ZMIZ1: variants seen among roughly 807,000 people sequenced by gnomAD.
ZMIZ1 encodes the protein zinc finger MIZ-type containing 1, also known as zinc finger MIZ domain-containing protein 1.
Under a neutral mutation model 113.9 loss-of-function variants are expected in ZMIZ1, and 17 were observed. That is an observed-to-expected ratio of 0.15 (90% confidence interval 0.10 to 0.22). ZMIZ1 has a LOEUF of 0.22. Among genes scored for constraint, ZMIZ1 ranks in the 10% least tolerant of loss-of-function variants. The pLI is 1.00. For synonymous variants in ZMIZ1, 607 were observed against 603.1 expected (o/e 1.01, Z -0.09); for missense variants, 1,059 against 1,477.8 (o/e 0.72, Z 4.65).
intron 1 of ZMIZ1, among the ~76,000 whole-genome samples, chr10:79,075,746 C>T (rs1842452985): frequency 6.6e-6 from 1 of 152,248 alleles, no homozygotes; most frequent in Non-Finnish European, 1.5e-5. Context: ...CAGATACTTG[C>T]CCTCTTGGAG....
chr10:79,122,256 A>T (rs2132336370), intron 2 of ZMIZ1, among the ~76,000 whole-genome samples: 1 of 152,224 alleles, frequency 6.6e-6, no homozygotes, highest in East Asian at 1.9e-4. Flanking sequence ...CTGCCTGCAG[A>T]GGAGGGTCAG....
intron 7 of ZMIZ1, among the ~76,000 whole-genome samples, chr10:79,217,723 G>GC (rs1848797047): frequency 6.6e-6 from 1 of 152,174 alleles, no homozygotes; most frequent in Non-Finnish European, 1.5e-5. Flanking sequence ...TTTCCAGTCT[G>GC]CACACATGGA....
At chr10:79,230,101 G>A (rs1849335504) in intron 7 of ZMIZ1, among the ~76,000 whole-genome samples, 1 of 152,140 alleles carries the variant, frequency 6.6e-6, no homozygotes, top group South Asian at 2.1e-4. Context: ...TGCCCTGGGA[G>A]GCTCCGGCCG....
chr10:79,171,880 G>A (rs1328410660), intron 4 of ZMIZ1, among the ~76,000 whole-genome samples: 1 of 152,192 alleles, frequency 6.6e-6, no homozygotes, highest in African/African-American at 2.4e-5. Context: ...AGCAAGGACG[G>A]AGCCATGCTA....
chr10:79,079,888 C>G (rs1408263988), intron 1 of ZMIZ1, among the ~76,000 whole-genome samples: 2 of 152,194 alleles, frequency 1.3e-5, no homozygotes, highest in Non-Finnish European at 2.9e-5. Flanking sequence ...GCTCTGCAGG[C>G]TGCATTTTGT....
intron 4 of ZMIZ1, among the ~76,000 whole-genome samples, chr10:79,185,017 G>A (rs1847293357): frequency 6.6e-6 from 1 of 152,208 alleles, no homozygotes; most frequent in South Asian, 2.1e-4. Context: ...ACGGGGACCA[G>A]AGCCCATATT....
rs1256606268 is a variant in ZMIZ1, at chr10:79,315,847, A to T, written c.*3098A>T. Reference sequence around the variant, plus strand: ...AATGTGTATTGTTTTTATTTTGCGAAACAAAACAAAACAAAAAAAAAAGCT... The same window carrying T: ...AATGTGTATTGTTTTTATTTTGCGATACAAAACAAAACAAAAAAAAAAGCT... On this transcript the variant is annotated 3_prime_UTR_variant, in exon 25 of 25. Transcript: ENST00000334512. 6.5e-6 allele frequency: 1 copy of T among 152,708 alleles called. No individual in the cohort carries two copies. Among genetic ancestry groups the T allele is most frequent in the East Asian group, 1.9e-4 (1 of 5,342 alleles). 9.5% of individuals were successfully genotyped at this position (152,708 alleles called of 1,614,324 possible). A position where few individuals can be genotyped will look rare whatever the true frequency, so the allele number is the denominator to read the frequency against.
In ZMIZ1 at chr10:79,225,977, C is replaced by T. The variant is rs571414080; in HGVS notation, c.280+9703C>T. Reference sequence around the variant, plus strand: ...AAATACTAAACTGGAATTTTAAGGGCGAGGGATGACAAGCTTCTTGTGCCA... The same window carrying T: ...AAATACTAAACTGGAATTTTAAGGGTGAGGGATGACAAGCTTCTTGTGCCA... On this transcript the variant is annotated intron_variant, in intron 7 of 24. Transcript: ENST00000334512. 3.2e-4 allele frequency among the ~76,000 whole-genome samples: 48 copies of T among 152,268 alleles called. No homozygotes were observed. The South Asian group carries it at 9.3e-3, about 30-fold the overall frequency.
intron 9 of ZMIZ1, 52 bp downstream of exon 9, chr10:79,289,941 C>T (rs1322098539): frequency 2.3e-5 from 36 of 1,557,458 alleles, no homozygotes; most frequent in Non-Finnish European, 3.2e-5. Context: ...GGGAGTGTCC[C>T]TTGACCCCTG....
intron 5 of ZMIZ1, among the ~76,000 whole-genome samples, chr10:79,204,584 G>A (rs918613320): frequency 6.6e-6 from 1 of 152,162 alleles, no homozygotes; most frequent in Non-Finnish European, 1.5e-5. Flanking sequence ...GAATACATCA[G>A]GTCTCCCACC....
intron 1 of ZMIZ1, among the ~76,000 whole-genome samples, chr10:79,109,621 C>T (rs1843668934): frequency 6.6e-6 from 1 of 152,230 alleles, no homozygotes; most frequent in Admixed American, 6.5e-5. Flanking sequence ...CTTTGTTTCT[C>T]CCCACCATGC....
At chr10:79,134,844 T>C (rs866432436) in intron 2 of ZMIZ1, among the ~76,000 whole-genome samples, 8 of 152,218 alleles carry the variant, frequency 5.3e-5, no homozygotes, top group South Asian at 2.1e-4. Flanking sequence ...GTTTTTTTTT[T>C]TGAGATGGAG....
At chr10:79,281,010 A>C (rs1159502233) in intron 8 of ZMIZ1, among the ~76,000 whole-genome samples, 1 of 152,046 alleles carries the variant, frequency 6.6e-6, no homozygotes, top group Non-Finnish European at 1.5e-5. Context: ...TGACCTTCCC[A>C]AGCTTCTCTC....
At chr10:79,287,795 T>A (rs1307158269) in intron 8 of ZMIZ1, among the ~76,000 whole-genome samples, 3 of 152,130 alleles carry the variant, frequency 2.0e-5, no homozygotes, top group African/African-American at 7.2e-5. Context: ...TGATGCCCAT[T>A]TTACAGATGA....
chr10:79,190,626 C>T (rs772800884), intron 4 of ZMIZ1, among the ~76,000 whole-genome samples: 2 of 152,186 alleles, frequency 1.3e-5, no homozygotes, highest in African/African-American at 4.8e-5. Context: ...GGAGTACACT[C>T]ATGGGCTCAG....
At chr10:79,204,730 A>G (rs1158265631) in intron 5 of ZMIZ1, among the ~76,000 whole-genome samples, 2 of 152,242 alleles carry the variant, frequency 1.3e-5, no homozygotes, top group African/African-American at 2.4e-5. Flanking sequence ...AGATGGATAC[A>G]TAAGAGAATG....
intron 1 of ZMIZ1, among the ~76,000 whole-genome samples, chr10:79,094,278 C>T (rs983980092): frequency 2.0e-5 from 3 of 152,216 alleles, no homozygotes; most frequent in South Asian, 2.1e-4. Flanking sequence ...GCAGAGCCCA[C>T]GGGCGACTCA....
chr10:79,204,470 G>A (rs1848229216), intron 5 of ZMIZ1, among the ~76,000 whole-genome samples: 1 of 152,180 alleles, frequency 6.6e-6, no homozygotes, highest in African/African-American at 2.4e-5. Context: ...AACCCCAGGG[G>A]CCCTTCTGAG....
Position 79,291,126 on chromosome 10 carries a change from GAGCATGTATGGCCGGCCCAAC to G in ZMIZ1, c.709_729del (p.Ser237_Asn243del), listed in dbSNP as rs1305068927. 6.2e-7 allele frequency: 1 copy of G among 1,613,872 alleles called. No homozygotes were observed. Among genetic ancestry groups the G allele is most frequent in the Admixed American group, 1.7e-5 (1 of 60,002 alleles). On this transcript the variant is annotated inframe_deletion, in exon 10 of 25. Transcript: ENST00000334512. ...GCCCCGCTCAGCCCTACATCCAGCAGAGCATGTATGGCCGGCCCAACTACCCCGGCAGCGGGGGCTTTGGGG... is the reference window on the plus strand; with the variant it reads ...GCCCCGCTCAGCCCTACATCCAGCAGTACCCCGGCAGCGGGGGCTTTGGGG...
Sources: allele counts gnomAD v4.1 joint callset (sites outside exome capture counted in the v4.1 genomes callset), GRCh38; gene constraint gnomAD v4.1.1; transcripts MANE v1.5; gene names NCBI Gene and HGNC (gene_info 2026-07-23, HGNC 2026-07-21).